Variants in MYO1E observed in about 807,000 individuals in gnomAD.
MYO1E encodes unconventional myosin-Ie.
Under a neutral mutation model 151.1 loss-of-function variants are expected in MYO1E, and 68 were observed. The observed-to-expected ratio is 0.45, with a 90% CI of 0.37 to 0.55. The LOEUF (loss-of-function observed/expected upper bound fraction) is 0.55, where lower values mean the gene tolerates loss of function less well. MYO1E is among the 20% of genes least tolerant of loss of function. MYO1E has a pLI of 0.00. For synonymous variants in MYO1E, 601 were observed against 501.7 expected (o/e 1.20, Z -2.64); for missense variants, 1,363 against 1,389.3 (o/e 0.98, Z 0.30).
intron 6 of MYO1E, among the ~76,000 whole-genome samples, chr15:59,229,463 G>T (rs536471377): frequency 1.8e-4 from 28 of 152,316 alleles, no homozygotes; most frequent in Admixed American, 1.8e-3. Flanking sequence ...CTAACAAAAG[G>T]TTAACATATT....
At chr15:59,173,689 T>C in intron 21 of MYO1E, 57 bp downstream of exon 21, 1 of 1,594,248 alleles carries the variant, frequency 6.3e-7, no homozygotes, top group South Asian at 1.1e-5. Flanking sequence ...AATAACAAGT[T>C]ATTAAAAAAA....
intron 23 of MYO1E, among the ~76,000 whole-genome samples, chr15:59,162,327 C>G (rs1264715754): frequency 6.6e-6 from 1 of 152,094 alleles, no homozygotes; most frequent in Non-Finnish European, 1.5e-5. Flanking sequence ...AGTACCTGGT[C>G]CATTAGATCA....
intron 4 of MYO1E, among the ~76,000 whole-genome samples, chr15:59,237,646 C>T (rs1019525360): frequency 3.9e-5 from 6 of 152,134 alleles, no homozygotes; most frequent in South Asian, 2.1e-4. Context: ...TTTTTGTTCG[C>T]GCTTCGCGAT....
rs764092322 is a variant in MYO1E, at chr15:59,223,189, G to A, written c.780C>T (p.His260=). The A allele has an allele frequency of 4.0e-5, 65 of 1,614,164 alleles. 1 individual carries two copies. Among genetic ancestry groups the A allele is most frequent in the Admixed American group, 3.3e-4 (20 of 60,016 alleles). The change falls in exon 9 of 28, where the codon CAC becomes CAT. Residue 260 remains histidine, a splice_region_variant and synonymous_variant. Transcript: ENST00000288235. The stretch of plus-strand genomic sequence containing the variant: ...CAAAGATCCCAATCACATTCATGGC[G>A]TGCTGGAAGAGAAAAGAGAAACTAT... ...DDRREFQETL[H]AMNVIGIFAE...
chr15:59,277,561 A>ACAACAACAAC (rs765946535), intron 1 of MYO1E, among the ~76,000 whole-genome samples: 23,381 of 145,854 alleles, frequency 0.16, 2,036 homozygotes, highest in Non-Finnish European at 0.18. Context: ...AAAAAAAAAA[A>ACAACAACAAC]AAAAAAAAAA....
At chr15:59,300,477 ACCACCCTCC>A (rs1280584099) in intron 1 of MYO1E, among the ~76,000 whole-genome samples, 2 of 152,110 alleles carry the variant, frequency 1.3e-5, no homozygotes, top group African/African-American at 4.8e-5. Flanking sequence ...ATCTTCAGAC[ACCACCCTCC>A]CCACCCACTG....
At chr15:59,240,651 C>A (rs1234255816) in intron 4 of MYO1E, among the ~76,000 whole-genome samples, 1 of 152,122 alleles carries the variant, frequency 6.6e-6, no homozygotes, top group South Asian at 2.1e-4. Flanking sequence ...TCCGCTGTTA[C>A]CACTGTTGGA....
chr15:59,333,074 A>C (rs533646589), intron 1 of MYO1E, among the ~76,000 whole-genome samples: 1 of 152,302 alleles, frequency 6.6e-6, no homozygotes, highest in African/African-American at 2.4e-5. Context: ...GGCCATACAC[A>C]GTAATCTCAC....
intron 1 of MYO1E, among the ~76,000 whole-genome samples, chr15:59,342,569 C>T (rs952208338): frequency 2.0e-5 from 3 of 152,158 alleles, no homozygotes; most frequent in Non-Finnish European, 4.4e-5. Flanking sequence ...ATCCATTCAG[C>T]TATTCTATGT....
intron 4 of MYO1E, among the ~76,000 whole-genome samples, chr15:59,251,631 G>C (rs1465215353): frequency 5.3e-5 from 8 of 152,118 alleles, no homozygotes; most frequent in African/African-American, 1.9e-4. Flanking sequence ...AAATATTTAG[G>C]GGTAAAATGT....
intron 1 of MYO1E, among the ~76,000 whole-genome samples, chr15:59,311,075 C>G (rs2080548268): frequency 6.6e-6 from 1 of 152,076 alleles, no homozygotes; most frequent in Non-Finnish European, 1.5e-5. Context: ...GCAACTGATT[C>G]TCATGCACAG....
intron 25 of MYO1E, among the ~76,000 whole-genome samples, chr15:59,155,919 G>C (rs1421634854): frequency 2.6e-4 from 40 of 152,166 alleles, no homozygotes; most frequent in Admixed American, 2.6e-3. Flanking sequence ...ACCCAGGCTG[G>C]AGTACAGTAG....
At chr15:59,362,474 G>A (rs554959388) in intron 1 of MYO1E, among the ~76,000 whole-genome samples, 1 of 152,240 alleles carries the variant, frequency 6.6e-6, no homozygotes, top group African/African-American at 2.4e-5. Flanking sequence ...ATTCTCAGAG[G>A]ACTCAGGACA....
At chr15:59,281,165 A>AAG (rs2080350966) in intron 1 of MYO1E, among the ~76,000 whole-genome samples, 1 of 152,140 alleles carries the variant, frequency 6.6e-6, no homozygotes, top group African/African-American at 2.4e-5. Context: ...TTCAATATTA[A>AAG]CACCATTTGA....
At chr15:59,239,001 T>C (rs967060148) in intron 4 of MYO1E, among the ~76,000 whole-genome samples, 7 of 150,788 alleles carry the variant, frequency 4.6e-5, no homozygotes, top group Non-Finnish European at 3.0e-5. Flanking sequence ...AGGTCAGGAG[T>C]TCGAGACCAG....
At chr15:59,267,935 T>C (rs1353406020) in intron 2 of MYO1E, among the ~76,000 whole-genome samples, 6 of 152,220 alleles carry the variant, frequency 3.9e-5, no homozygotes, top group African/African-American at 1.4e-4. Context: ...GATTTTTTTT[T>C]CCTAATGTAG....
At chr15:59,152,808 C>T (rs1566965403) in intron 26 of MYO1E, among the ~76,000 whole-genome samples, 1 of 152,118 alleles carries the variant, frequency 6.6e-6, no homozygotes, top group Non-Finnish European at 1.5e-5. Context: ...TCTGAACACT[C>T]CTGCCTGGTG....
intron 26 of MYO1E, among the ~76,000 whole-genome samples, chr15:59,152,834 G>T (rs777580990): frequency 1.3e-5 from 2 of 152,088 alleles, no homozygotes; most frequent in Non-Finnish European, 2.9e-5. Flanking sequence ...CATCCACCTG[G>T]TGCCTGGATG....
At chr15:59,230,392 A>G (rs1156941838) in intron 6 of MYO1E, among the ~76,000 whole-genome samples, 1 of 152,060 alleles carries the variant, frequency 6.6e-6, no homozygotes, top group Non-Finnish European at 1.5e-5. Context: ...ATAATGAATA[A>G]TTTATATTGC....
Sources: gnomAD v4.1 joint callset for allele counts (sites outside exome capture counted in the v4.1 genomes callset) on GRCh38, gnomAD v4.1.1 for gene constraint, MANE v1.5 for transcripts, NCBI Gene and HGNC (gene_info 2026-07-23, HGNC 2026-07-21) for gene names.